Variants in MAGI1 observed in about 807,000 individuals in gnomAD.
MAGI1 encodes the protein membrane associated guanylate kinase, WW and PDZ domain containing 1.
Under a neutral mutation model 139.9 loss-of-function variants are expected in MAGI1, and 58 were observed. The ratio of observed to expected loss-of-function variants is 0.41; its 90% CI spans 0.34 to 0.52. The LOEUF (loss-of-function observed/expected upper bound fraction) is 0.52, where lower values mean the gene tolerates loss of function less well. MAGI1 is among the 20% of genes least tolerant of loss of function. The pLI is 0.12. For missense variants in MAGI1, 1,874 were observed against 1,901.6 expected, an observed-to-expected ratio of 0.99 and a Z score of 0.27; for synonymous variants, 812 against 737.9, an observed-to-expected ratio of 1.10 and a Z score of -1.63.
At chr3:65,459,134 T>G (rs949148949) in intron 5 of MAGI1, among the ~76,000 whole-genome samples, 3 of 152,176 alleles carry the variant, frequency 2.0e-5, no homozygotes, top group African/African-American at 7.2e-5. Context: ...TTGTTTCTGG[T>G]TCTCTATTCT....
At chr3:65,899,100 T>C (rs1002415326) in intron 1 of MAGI1, among the ~76,000 whole-genome samples, 1 of 151,976 alleles carries the variant, frequency 6.6e-6, no homozygotes, top group African/African-American at 2.4e-5. Context: ...AATTTTTTTG[T>C]AGAGACGGGT....
At chr3:65,971,139 G>C (rs1314557900) in intron 1 of MAGI1, among the ~76,000 whole-genome samples, 1 of 152,176 alleles carries the variant, frequency 6.6e-6, no homozygotes, top group East Asian at 1.9e-4. Context: ...GGAGGTAGAG[G>C]CTGCAGTTAG....
At chr3:65,974,782 A>G (rs952066403) in intron 1 of MAGI1, among the ~76,000 whole-genome samples, 2 of 152,134 alleles carry the variant, frequency 1.3e-5, no homozygotes, top group Admixed American at 6.6e-5. Flanking sequence ...TCCAAGAGAG[A>G]GGGAAATAGA....
intron 12 of MAGI1, among the ~76,000 whole-genome samples, chr3:65,412,206 C>T (rs1945850076): frequency 6.6e-6 from 1 of 152,186 alleles, no homozygotes; most frequent in African/African-American, 2.4e-5. Context: ...TGCGGAACTG[C>T]CTCCTTGCAA....
intron 1 of MAGI1, among the ~76,000 whole-genome samples, chr3:65,642,233 G>T (rs984433320): frequency 6.6e-6 from 1 of 152,140 alleles, no homozygotes; most frequent in African/African-American, 2.4e-5. Context: ...TGAACCATGT[G>T]CTACCTCAAA....
At chr3:65,359,012 G>A in intron 22 of MAGI1, 1 of 1,493,232 alleles carries the variant, frequency 6.7e-7, no homozygotes, top group South Asian at 1.1e-5. Flanking sequence ...CAGAAGCAAT[G>A]AGGAAATTAG....
chr3:66,010,727 G>A (rs192770901), intron 1 of MAGI1, among the ~76,000 whole-genome samples: 1 of 152,264 alleles, frequency 6.6e-6, no homozygotes, highest in East Asian at 1.9e-4. Context: ...GGTATTTGGA[G>A]AAGTCCCATA....
chr3:65,866,491 C>T (rs1426076348), intron 1 of MAGI1, among the ~76,000 whole-genome samples: 1 of 152,006 alleles, frequency 6.6e-6, no homozygotes, highest in Non-Finnish European at 1.5e-5. Context: ...TCTCAGTAGG[C>T]CTTGAACGAC....
chr3:65,774,770 G>A (rs1427494001), intron 1 of MAGI1, among the ~76,000 whole-genome samples: 3 of 152,164 alleles, frequency 2.0e-5, no homozygotes, highest in African/African-American at 7.2e-5. Context: ...TTCAACCAAA[G>A]AGCCAACTAG....
chr3:65,772,595 A>G (rs1312631385), intron 1 of MAGI1, among the ~76,000 whole-genome samples: 2 of 152,234 alleles, frequency 1.3e-5, no homozygotes, highest in African/African-American at 2.4e-5. Context: ...GAGCTGCCAC[A>G]TGGAGAACAC....
intron 1 of MAGI1, among the ~76,000 whole-genome samples, chr3:66,006,237 T>C (rs1237887656): frequency 6.6e-6 from 1 of 152,202 alleles, no homozygotes; most frequent in Non-Finnish European, 1.5e-5. Flanking sequence ...GGCTGCTATA[T>C]GAATAATGTC....
Position 65,390,187 on chromosome 3 carries a change from T to G in MAGI1, c.2416+955A>C, listed in dbSNP as rs147600057. On this transcript the variant is annotated intron_variant, in intron 14 of 22. Transcript: ENST00000402939. ...GGACCCTGCTGAGCAGTGACCACAT[T>G]TGCAGCTAGGAATGAAACCTGTGCT... is the stretch of plus-strand genomic sequence containing the variant. Among the ~76,000 whole-genome samples the G allele has an allele frequency of 3.8e-3, 582 of 152,252 alleles. 2 individuals carry two copies. Among genetic ancestry groups the G allele is most frequent in the South Asian group, 0.029 (138 of 4,816 alleles).
intron 1 of MAGI1, among the ~76,000 whole-genome samples, chr3:65,633,812 G>A (rs909878215): frequency 1.3e-5 from 2 of 152,190 alleles, no homozygotes; most frequent in African/African-American, 4.8e-5. Flanking sequence ...TAATATAGCT[G>A]ATGTGAGCTT....
At chr3:65,900,767 A>AT (rs902285178) in intron 1 of MAGI1, among the ~76,000 whole-genome samples, 1 of 152,222 alleles carries the variant, frequency 6.6e-6, no homozygotes, top group African/African-American at 2.4e-5. Flanking sequence ...ATAGAACGCC[A>AT]TTACGCTGGC....
At chr3:65,726,308 T>C (rs1239655641) in intron 1 of MAGI1, among the ~76,000 whole-genome samples, 2 of 152,214 alleles carry the variant, frequency 1.3e-5, no homozygotes, top group Non-Finnish European at 2.9e-5. Flanking sequence ...AATTAAATTA[T>C]GACAAAATGG....
chr3:65,891,687 C>T (rs930475723), intron 1 of MAGI1, among the ~76,000 whole-genome samples: 1 of 127,964 alleles, frequency 7.8e-6, no homozygotes, highest in African/African-American at 3.0e-5. Context: ...TGACAATAGC[C>T]CTAAGGTGTT....
chr3:65,500,351 C>T (rs567453277), intron 2 of MAGI1, among the ~76,000 whole-genome samples: 212 of 152,240 alleles, frequency 1.4e-3, no homozygotes, highest in South Asian at 3.1e-3. Context: ...GAGCTGTGTC[C>T]TAGTGAGTGT....
chr3:65,881,390 G>A (rs1403186604), intron 1 of MAGI1, among the ~76,000 whole-genome samples: 2 of 152,242 alleles, frequency 1.3e-5, no homozygotes, highest in East Asian at 3.9e-4. Context: ...ACTTTGGGGG[G>A]CCAAGGCAGG....
intron 1 of MAGI1, among the ~76,000 whole-genome samples, chr3:65,696,226 G>C (rs1264526795): frequency 6.6e-6 from 1 of 152,032 alleles, no homozygotes; most frequent in Admixed American, 6.6e-5. Flanking sequence ...TATCAAGGAG[G>C]CCTTCCCTGC....
Sources: gnomAD v4.1 joint callset for allele counts (sites outside exome capture counted in the v4.1 genomes callset) on GRCh38, gnomAD v4.1.1 for gene constraint, MANE v1.5 for transcripts, NCBI Gene and HGNC (gene_info 2026-07-23, HGNC 2026-07-21) for gene names.